Variants in ARFGAP3 observed in about 807,000 individuals in gnomAD.
ARFGAP3 encodes ADP-ribosylation factor GTPase-activating protein 3.
In ARFGAP3, 72 loss-of-function variants were observed where a neutral mutation model predicts 75.0. The ratio of observed to expected loss-of-function variants is 0.96; its 90% CI spans 0.79 to 1.17. ARFGAP3 has a LOEUF of 1.17. Among genes scored for constraint, ARFGAP3 ranks in the 50% most tolerant of loss-of-function variants. The pLI is 0.00. For missense variants in ARFGAP3, 620 were observed against 626.6 expected, an observed-to-expected ratio of 0.99 and a Z score of 0.11; for synonymous variants, 221 against 217.9, an observed-to-expected ratio of 1.01 and a Z score of -0.13.
intron 2 of ARFGAP3, among the ~76,000 whole-genome samples, chr22:42,845,933 G>A (rs1033314675): frequency 6.6e-6 from 1 of 151,270 alleles, no homozygotes; most frequent in Non-Finnish European, 1.5e-5. Context: ...AGCTACTTGG[G>A]AGGCTGAGGC....
At chr22:42,829,110 T>C (rs1219151286) in intron 6 of ARFGAP3, among the ~76,000 whole-genome samples, 1 of 152,226 alleles carries the variant, frequency 6.6e-6, no homozygotes, top group East Asian at 1.9e-4. Flanking sequence ...CTTTCTTCTC[T>C]TCTCTCTGAT....
chr22:42,808,995 A>G (rs900626593), intron 12 of ARFGAP3, 105 bp from the exon 13 acceptor site: 49 of 1,298,690 alleles, frequency 3.8e-5, no homozygotes, highest in Non-Finnish European at 3.7e-5. Flanking sequence ...AAATTTTGTA[A>G]AAGGATTTTA....
intron 2 of ARFGAP3, 84 bp from the exon 3 acceptor site, chr22:42,841,100 T>C (rs1240788026): frequency 1.3e-6 from 2 of 1,528,372 alleles, no homozygotes; most frequent in East Asian, 4.8e-5. Context: ...AAGGTTTCCT[T>C]AGGCTTTAGG....
At chr22:42,805,952 C>G (rs1055969811) in intron 14 of ARFGAP3, among the ~76,000 whole-genome samples, 2 of 152,328 alleles carry the variant, frequency 1.3e-5, no homozygotes, top group African/African-American at 4.8e-5. Context: ...CACTGCACCC[C>G]GAGGGCCACA....
At chr22:42,843,891 G>A (rs1481713113) in intron 2 of ARFGAP3, among the ~76,000 whole-genome samples, 1 of 152,108 alleles carries the variant, frequency 6.6e-6, no homozygotes, top group African/African-American at 2.4e-5. Flanking sequence ...GGAGCAGTCA[G>A]CAACCAATGC....
At chr22:42,814,250 G>C (rs762595042) in intron 11 of ARFGAP3, among the ~76,000 whole-genome samples, 1 of 152,172 alleles carries the variant, frequency 6.6e-6, no homozygotes, top group African/African-American at 2.4e-5. Context: ...TGAATAATTT[G>C]AAAGCAATAA....
intron 12 of ARFGAP3, 134 bp from the exon 13 acceptor site, chr22:42,809,024 G>A: frequency 2.8e-6 from 3 of 1,061,508 alleles, no homozygotes; most frequent in South Asian, 3.4e-5. Flanking sequence ...TTAAAAGCCT[G>A]AAAATTCTAA....
intron 11 of ARFGAP3, among the ~76,000 whole-genome samples, chr22:42,812,189 C>T (rs553568578): frequency 7.4e-6 from 1 of 135,264 alleles, no homozygotes; most frequent in African/African-American, 2.8e-5. Context: ...CATGCCACTA[C>T]ACTCCAGCCT....
chr22:42,799,126 G>T lies in ARFGAP3; in HGVS notation c.1446C>A (p.Ala482=), dbSNP rs201660261. ...NYSLSSVLPN[A]PDMAQFKQGV... is the part of the protein sequence containing the mutation. Reference sequence around the variant, plus strand: ...CCTGCTTGAACTGCGCCATGTCGGGGGCGTTGGGCAGCACACTGGACAGGC... The same window carrying T: ...CCTGCTTGAACTGCGCCATGTCGGGTGCGTTGGGCAGCACACTGGACAGGC... Residue 482 remains alanine (A), a synonymous_variant, in exon 15 of 16, where the codon GCC becomes GCA. Transcript: ENST00000263245. 8.7e-6 allele frequency: 14 copies of T among 1,614,040 alleles called. No homozygotes were observed. Among genetic ancestry groups the T allele is most frequent in the South Asian group, 4.4e-5 (4 of 91,092 alleles).
chr22:42,824,732 T>C (rs896137557), intron 7 of ARFGAP3, among the ~76,000 whole-genome samples: 5 of 152,164 alleles, frequency 3.3e-5, no homozygotes, highest in Admixed American at 6.6e-5. Flanking sequence ...CGTGCAGTTT[T>C]GTTACAAGGG....
At chr22:42,819,984 C>A (rs1925741427) in intron 9 of ARFGAP3, among the ~76,000 whole-genome samples, 1 of 152,144 alleles carries the variant, frequency 6.6e-6, no homozygotes, top group African/African-American at 2.4e-5. Context: ...GTATTAAACA[C>A]TCCTAATGAA....
intron 14 of ARFGAP3, among the ~76,000 whole-genome samples, chr22:42,803,134 A>G (rs1375415519): frequency 6.6e-6 from 1 of 152,142 alleles, no homozygotes; most frequent in Non-Finnish European, 1.5e-5. Context: ...AATTGGAACT[A>G]TAGGCATTAG....
At chr22:42,843,738 C>T (rs1926884485) in intron 2 of ARFGAP3, among the ~76,000 whole-genome samples, 1 of 152,150 alleles carries the variant, frequency 6.6e-6, no homozygotes, top group Admixed American at 6.6e-5. Flanking sequence ...GCAGGGATCC[C>T]ATTCACCTTT....
chr22:42,847,148 G>T, intron 2 of ARFGAP3: 1 of 197,180 alleles, frequency 5.1e-6, no homozygotes, highest in South Asian at 8.3e-5. Context: ...TGGCAACACT[G>T]AAAATCACAT....
intron 2 of ARFGAP3, among the ~76,000 whole-genome samples, chr22:42,844,851 T>A (rs963787314): frequency 5.3e-5 from 8 of 152,242 alleles, no homozygotes; most frequent in Non-Finnish European, 1.2e-4. Flanking sequence ...TCATGAATTT[T>A]AATTGCTGTT....
At chr22:42,816,607 T>C (rs1210384570) in intron 11 of ARFGAP3, among the ~76,000 whole-genome samples, 1 of 152,246 alleles carries the variant, frequency 6.6e-6, no homozygotes, top group African/African-American at 2.4e-5. Flanking sequence ...GAGTTATGCA[T>C]TTTGTCTCAA....
intron 3 of ARFGAP3, among the ~76,000 whole-genome samples, chr22:42,837,139 A>C (rs1389189258): frequency 6.6e-6 from 1 of 152,186 alleles, no homozygotes. Flanking sequence ...AAGTTTGTGA[A>C]CATCATGATA....
chr22:42,831,408 G>A, intron 6 of ARFGAP3, 141 bp downstream of exon 6: 1 of 721,104 alleles, frequency 1.4e-6, no homozygotes, highest in East Asian at 2.9e-5. Context: ...CTGGGCTCAG[G>A]CGATCCCCCC....
chr22:42,812,949 G>C (rs1354835029), intron 11 of ARFGAP3, among the ~76,000 whole-genome samples: 1 of 152,244 alleles, frequency 6.6e-6, no homozygotes, highest in African/African-American at 2.4e-5. Flanking sequence ...AGAGATGACC[G>C]ATCCCCTTTC....
Sources: gnomAD v4.1 joint callset for allele counts (sites outside exome capture counted in the v4.1 genomes callset) on GRCh38, gnomAD v4.1.1 for gene constraint, MANE v1.5 for transcripts, NCBI Gene and HGNC (gene_info 2026-07-23, HGNC 2026-07-21) for gene names.